MRAP: variants seen among roughly 807,000 people sequenced by gnomAD.
The protein encoded by MRAP is melanocortin-2 receptor accessory protein.
MRAP carries 8 observed loss-of-function variants against 8.7 expected under a neutral mutation model. That is an observed-to-expected ratio of 0.92 (90% CI 0.54 to 1.66). The LOEUF (loss-of-function observed/expected upper bound fraction) is 1.66. MRAP is among the 40% of genes most tolerant of loss of function. MRAP has a pLI of 0.00. For synonymous variants in MRAP, 95 were observed against 95.5 expected (o/e 1.00, Z 0.03); for missense variants, 237 against 217.1 (o/e 1.09, Z -0.58).
chr21:32,312,101 G>T lies in MRAP; in HGVS notation c.*105G>T. 1 of 1,581,450 alleles carries T rather than the reference G, an allele frequency of 6.3e-7. No homozygotes were observed. The highest frequency in any genetic ancestry group is 2.3e-5 in the East Asian group (1 of 44,234). ...GAGGCCATTTGCATGTAGCAGAAAG[G>T]GCACCTAGGTCAAGTGCAACTAGAG... is the stretch of plus-strand genomic sequence containing the variant. On this transcript the variant is annotated 3_prime_UTR_variant, in exon 3 of 3. Coordinates refer to ENST00000303645, the MANE Select transcript of MRAP (RefSeq NM_001379228.1).
chr21:32,312,079 GCC>G lies in MRAP; in HGVS notation c.*84_*85del. On this transcript the variant is annotated 3_prime_UTR_variant, in exon 3 of 3. Transcript: ENST00000303645. ...CATACGTTCCTCGTTCTTCTTAGAG[GCC>G]ATTTGCATGTAGCAGAAAGGGCACC... 1 of 1,600,370 alleles carries G rather than the reference GCC, an allele frequency of 6.2e-7. No individual in the cohort carries two copies. Among genetic ancestry groups the G allele is most frequent in the East Asian group, 2.2e-5 (1 of 44,820 alleles).
intron 2 of MRAP, among the ~76,000 whole-genome samples, chr21:32,293,822 T>C (rs2032092818): frequency 6.6e-6 from 1 of 152,244 alleles, no homozygotes; most frequent in Non-Finnish European, 1.5e-5. Context: ...GAGTTAACCT[T>C]GACAGCAGTG....
At chr21:32,305,601 G>GC (rs1300144922) in intron 1 of MRAP, among the ~76,000 whole-genome samples, 3 of 152,136 alleles carry the variant, frequency 2.0e-5, no homozygotes, top group African/African-American at 7.2e-5. Context: ...TGCTGGTTTA[G>GC]CCCCCTCTGA....
intron 2 of MRAP, chr21:32,308,816 G>C (rs954985417): frequency 6.6e-6 from 1 of 152,668 alleles, no homozygotes; most frequent in Non-Finnish European, 1.5e-5. Flanking sequence ...TCCAGGAGGA[G>C]GACTAGGGCT....
chr21:32,297,945 T>C (rs1257691790), upstream of MRAP, among the ~76,000 whole-genome samples: 1 of 152,168 alleles, frequency 6.6e-6, no homozygotes, highest in Non-Finnish European at 1.5e-5. Flanking sequence ...CTGTCTACAC[T>C]GTCAATACCC....
At chr21:32,295,426 A>G (rs558931730), upstream of MRAP, among the ~76,000 whole-genome samples, 1 of 152,326 alleles carries the variant, frequency 6.6e-6, no homozygotes, top group South Asian at 2.1e-4. Context: ...AGATCCTATC[A>G]GGAAGCTGAT....
chr21:32,297,503 G>A (rs887648372), upstream of MRAP, among the ~76,000 whole-genome samples: 8 of 152,162 alleles, frequency 5.3e-5, no homozygotes, highest in South Asian at 2.1e-4. Context: ...GGAAAAATCC[G>A]TGCCCTTTCC....
intron 1 of MRAP, among the ~76,000 whole-genome samples, chr21:32,300,511 CTA>C (rs1205706127): frequency 6.1e-5 from 9 of 147,650 alleles, no homozygotes; most frequent in African/African-American, 7.6e-5. Context: ...GTCACGCATC[CTA>C]TGTCACGTCA....
intron 1 of MRAP, 34 bp from the exon 2 acceptor site, chr21:32,306,606 A>C (rs759485219): frequency 6.3e-7 from 1 of 1,583,914 alleles, no homozygotes; most frequent in Admixed American, 1.7e-5. Context: ...TGTTGACATA[A>C]CCCAGCGCTG....
intron 1 of MRAP, 23 bp downstream of exon 1, chr21:32,299,100 G>C: frequency 1.3e-6 from 2 of 1,597,040 alleles, no homozygotes; most frequent in Non-Finnish European, 1.7e-6. Flanking sequence ...TAGGGAAGCC[G>C]GTCAGACAGA....
At chr21:32,308,728 G>C (rs1021160211) in intron 2 of MRAP, 3 of 153,016 alleles carry the variant, frequency 2.0e-5, no homozygotes, top group African/African-American at 7.2e-5. Context: ...GCTGGGACTG[G>C]TCAGATTCTC....
chr21:32,300,763 A>C (rs2032265302), intron 1 of MRAP, among the ~76,000 whole-genome samples: 1 of 140,688 alleles, frequency 7.1e-6, no homozygotes, highest in Non-Finnish European at 1.5e-5. Flanking sequence ...GTCCTATGTC[A>C]GGGGCGTCAT....
chr21:32,312,449 C>T (rs1037603989), downstream of MRAP: 16 of 518,698 alleles, frequency 3.1e-5, no homozygotes, highest in Non-Finnish European at 4.4e-5. Flanking sequence ...GATGTGATGG[C>T]ATCTGCCCTG....
At chr21:32,305,637 C>G (rs1368112861) in intron 1 of MRAP, among the ~76,000 whole-genome samples, 1 of 152,130 alleles carries the variant, frequency 6.6e-6, no homozygotes, top group East Asian at 1.9e-4. Context: ...TCGCAAAAGG[C>G]GCTCAATGAA....
chr21:32,297,683 G>A (rs2032164838), upstream of MRAP, among the ~76,000 whole-genome samples: 1 of 152,234 alleles, frequency 6.6e-6, no homozygotes, highest in Non-Finnish European at 1.5e-5. Flanking sequence ...CCCAGCGAGT[G>A]TCTACCAAGA....
At chr21:32,301,689 T>C (rs574236107) in intron 1 of MRAP, among the ~76,000 whole-genome samples, 1 of 152,322 alleles carries the variant, frequency 6.6e-6, no homozygotes, top group South Asian at 2.1e-4. Flanking sequence ...CTGATTTCCC[T>C]TGAGTAGTGC....
intron 1 of MRAP, among the ~76,000 whole-genome samples, chr21:32,303,787 T>C (rs920820261): frequency 6.6e-6 from 1 of 152,246 alleles, no homozygotes; most frequent in African/African-American, 2.4e-5. Context: ...CTCCAAGCAC[T>C]TGGGTGAACC....
At chr21:32,299,141 A>G (rs910989500) in intron 1 of MRAP, 64 bp downstream of exon 1, 2 of 1,275,546 alleles carry the variant, frequency 1.6e-6, no homozygotes, top group East Asian at 4.7e-5. Flanking sequence ...ATGACTGGGC[A>G]CTCCCGGCTT....
At chr21:32,314,600 C>T (rs914556482), downstream of MRAP, 4 of 1,614,186 alleles carry the variant, frequency 2.5e-6, no homozygotes, top group African/African-American at 1.3e-5. Flanking sequence ...GCCTCAAACT[C>T]GAGCTATTTC....
Sources: gnomAD v4.1 joint callset for allele counts (sites outside exome capture counted in the v4.1 genomes callset) on GRCh38, gnomAD v4.1.1 for gene constraint, MANE v1.5 for transcripts, NCBI Gene and HGNC (gene_info 2026-07-23, HGNC 2026-07-21) for gene names.